Variants in VPS13C observed in about 807,000 individuals in gnomAD.
VPS13C encodes the protein intermembrane lipid transfer protein VPS13C.
In VPS13C, 358 loss-of-function variants were observed where a neutral mutation model predicts 456.8. That is an observed-to-expected ratio of 0.78 (90% CI 0.72 to 0.86). VPS13C has a LOEUF of 0.86. VPS13C is among the 40% of genes least tolerant of loss of function. The pLI is 0.00. For missense variants in VPS13C, 4,818 were observed against 4,385.4 expected (o/e 1.10, Z -2.79); for synonymous variants, 1,578 against 1,486.7 (o/e 1.06, Z -1.41).
At chr15:61,894,078 G>T (rs1270628031) in intron 66 of VPS13C, among the ~76,000 whole-genome samples, 1 of 152,100 alleles carries the variant, frequency 6.6e-6, no homozygotes, top group Non-Finnish European at 1.5e-5. Context: ...GGCCGAGGTG[G>T]GCGGATTGTC....
At chr15:61,946,803 T>A (rs1016677046) in intron 43 of VPS13C, among the ~76,000 whole-genome samples, 4 of 152,044 alleles carry the variant, frequency 2.6e-5, no homozygotes, top group Non-Finnish European at 5.9e-5. Flanking sequence ...AAACATTTAC[T>A]ATATTATTAA....
At chr15:61,950,566 AAC>A in intron 40 of VPS13C, 149 bp from the exon 41 acceptor site, 2 of 660,792 alleles carry the variant, frequency 3.0e-6, no homozygotes, top group East Asian at 2.8e-5. Context: ...AAAAAAAAAA[AAC>A]AAAAACAAAC....
chr15:61,860,222 TA>T (rs1894144815), intron 82 of VPS13C, among the ~76,000 whole-genome samples: 1 of 152,162 alleles, frequency 6.6e-6, no homozygotes, highest in Non-Finnish European at 1.5e-5. Context: ...TAGATGATGA[TA>T]TATTAAAAGG....
chr15:61,858,825 A>G lies in VPS13C; in HGVS notation c.10953-2416T>C, dbSNP rs1050244606. The stretch of plus-strand genomic sequence containing the variant: ...GGGATCTTAGAATTCTGCCAACAAC[A>G]GCAAATGAGCTTGGAAGTGGATTCT... On this transcript the variant is annotated intron_variant, in intron 82 of 84. Transcript: ENST00000644861. The surrounding 1 kb of genome is among the most constrained non-coding windows in gnomAD (Gnocchi z 4.4). Among the ~76,000 whole-genome samples, 4 of 152,178 alleles carry G rather than the reference A, an allele frequency of 2.6e-5. No individual in the cohort carries two copies. Among genetic ancestry groups the G allele is most frequent in the South Asian group, 2.1e-4 (1 of 4,816 alleles).
rs188454073 is a variant in VPS13C at position 62,008,395 on chromosome 15, T to C, written c.1118+260A>G. On this transcript the variant is annotated intron_variant, in intron 14 of 84. Transcript: ENST00000644861. ...AGCATGGGGACACAGCAAGATTCTA[T>C]CTCAAAAAAAAAAAGAATTTGGGAA... 0.011 allele frequency among the ~76,000 whole-genome samples: 1,634 copies of C among 150,644 alleles called. 20 individuals carry two copies. The highest frequency in any genetic ancestry group is 0.048 in the Middle Eastern group (14 of 292).
chr15:62,001,572 GGTTA>G (rs1283251293), intron 15 of VPS13C, among the ~76,000 whole-genome samples: 7 of 152,018 alleles, frequency 4.6e-5, no homozygotes, highest in Non-Finnish European at 1.5e-5. Context: ...ACAACGTGCA[GGTTA>G]GTTACATATG....
chr15:61,864,579 G>C (rs1206987448), intron 81 of VPS13C: 2 of 963,990 alleles, frequency 2.1e-6, no homozygotes, highest in Non-Finnish European at 2.5e-6. Context: ...ACCACAAGCA[G>C]AGAAATCACA....
chr15:62,041,616 G>A (rs1368784125), intron 2 of VPS13C, among the ~76,000 whole-genome samples: 6 of 151,954 alleles, frequency 3.9e-5, no homozygotes, highest in Non-Finnish European at 7.4e-5. Context: ...TCAGGAGTTC[G>A]AGACCAGCCT....
At chr15:62,006,126 T>C (rs1372282168) in intron 15 of VPS13C, among the ~76,000 whole-genome samples, 7 of 152,016 alleles carry the variant, frequency 4.6e-5, no homozygotes, top group Non-Finnish European at 8.8e-5. Context: ...TATTATACTT[T>C]AAGTTCTAGG....
Position 61,922,570 on chromosome 15 carries a change from C to G in VPS13C, c.6802G>C (p.Glu2268Gln). The G allele has an allele frequency of 6.2e-7, 1 of 1,614,090 alleles. No homozygotes were observed. The change falls in exon 54 of 85, where the codon GAA becomes CAA. Residue 2268 changes from glutamate (E) to glutamine (Q), a missense_variant. Glu to Gln is a conservative substitution (Grantham distance 29, BLOSUM62 2). Around this residue, in one of 3 missense-constraint regions of VPS13C, gnomAD observed 4,552 missense variants for 4,130.6 expected, o/e 1.10. Coordinates refer to ENST00000644861, the MANE Select transcript of VPS13C (RefSeq NM_020821.3). Reference protein sequence around the residue: ...TEITESFKGIEHSLIEENCGV... With the variant: ...TEITESFKGIQHSLIEENCGV... Reference sequence around the variant, plus strand: ...CAATTTTCCTCTATCAGTGAATGTTCAATGCCTTTGAAGCTTTCCGTTATT... The same window carrying G: ...CAATTTTCCTCTATCAGTGAATGTTGAATGCCTTTGAAGCTTTCCGTTATT...
chr15:62,020,013 TGTTA>T (rs971086159), intron 9 of VPS13C, among the ~76,000 whole-genome samples: 12 of 151,344 alleles, frequency 7.9e-5, no homozygotes, highest in South Asian at 4.2e-4. Context: ...CACTGTCTAC[TGTTA>T]AAGACCATTA....
chr15:61,978,377 T>C (rs1160131545), intron 23 of VPS13C, among the ~76,000 whole-genome samples: 1 of 152,182 alleles, frequency 6.6e-6, no homozygotes, highest in Admixed American at 6.5e-5. Context: ...TACAAAAACA[T>C]AGGCTATGAA....
chr15:62,016,356 T>A (rs1415203104), intron 9 of VPS13C, among the ~76,000 whole-genome samples: 1 of 151,984 alleles, frequency 6.6e-6, no homozygotes, highest in Admixed American at 6.6e-5. Flanking sequence ...TGTGCCATGC[T>A]GGTGTGCTGC....
chr15:61,997,001 A>G (rs1351068895), intron 16 of VPS13C, among the ~76,000 whole-genome samples: 1 of 149,572 alleles, frequency 6.7e-6, no homozygotes, highest in Admixed American at 6.7e-5. Context: ...ATACATACAT[A>G]TATATATATA....
intron 9 of VPS13C, among the ~76,000 whole-genome samples, chr15:62,018,098 G>C (rs1318934910): frequency 6.6e-6 from 1 of 152,052 alleles, no homozygotes; most frequent in Non-Finnish European, 1.5e-5. Context: ...GTCTGTTATT[G>C]GTGTATAAGA....
chr15:61,881,450 C>T, intron 71 of VPS13C, 113 bp downstream of exon 71: 1 of 1,067,212 alleles, frequency 9.4e-7, no homozygotes, highest in East Asian at 2.7e-5. Flanking sequence ...TTAATAGGTT[C>T]AGCTGGAAAA....
chr15:61,977,823 C>T (rs2045750079), intron 23 of VPS13C, among the ~76,000 whole-genome samples: 1 of 151,932 alleles, frequency 6.6e-6, no homozygotes, highest in Non-Finnish European at 1.5e-5. Context: ...AAAGAAAAGG[C>T]AGTTTTAATG....
chr15:61,964,613 T>C, intron 31 of VPS13C, 86 bp downstream of exon 31: 1 of 1,271,950 alleles, frequency 7.9e-7, no homozygotes, highest in Non-Finnish European at 1.1e-6. Context: ...TTTAAATGAC[T>C]GAGTCAGATA....
intron 67 of VPS13C, among the ~76,000 whole-genome samples, chr15:61,887,299 A>C (rs1436565900): frequency 1.3e-5 from 2 of 152,218 alleles, no homozygotes; most frequent in African/African-American, 4.8e-5. Flanking sequence ...ATTAGCACCA[A>C]AGAAACAAAC....
Sources: gnomAD v4.1 joint callset for allele counts (sites outside exome capture counted in the v4.1 genomes callset) on GRCh38, gnomAD v4.1.1 for gene constraint, gnomAD v4.1.1 regional missense constraint, Gnocchi (gnomAD v3.1) non-coding constraint, MANE v1.5 for transcripts, NCBI Gene and HGNC (gene_info 2026-07-23, HGNC 2026-07-21) for gene names.